EZH2: variants seen among roughly 807,000 people sequenced by gnomAD.
EZH2 encodes the protein histone-lysine N-methyltransferase EZH2.
A neutral mutation model predicts 98.4 loss-of-function variants in EZH2; 18 were observed. That is an observed-to-expected ratio of 0.18 (90% CI 0.13 to 0.27). EZH2 has a LOEUF of 0.27. Ranked by LOEUF, EZH2 falls within the 10% of genes least tolerant of loss-of-function variation. The pLI, the probability that EZH2 is intolerant of heterozygous loss-of-function variation, is 1.00. For synonymous variants in EZH2, 338 were observed against 312.3 expected (o/e 1.08, Z -0.87); for missense variants, 470 against 935.1 (o/e 0.50, Z 6.49).
intron 1 of EZH2, among the ~76,000 whole-genome samples, chr7:148,851,447 T>C (rs1485639599): frequency 6.6e-6 from 1 of 152,156 alleles, no homozygotes; most frequent in Non-Finnish European, 1.5e-5. Flanking sequence ...TGGCATATAG[T>C]GAGCCTTTAG....
intron 3 of EZH2, among the ~76,000 whole-genome samples, chr7:148,834,664 A>C (rs1427169698): frequency 6.6e-6 from 1 of 152,212 alleles, no homozygotes; most frequent in Non-Finnish European, 1.5e-5. Context: ...AAAGGTAATA[A>C]TACTAATAAG....
At chr7:148,810,758 C>T (rs998901118) in intron 16 of EZH2, among the ~76,000 whole-genome samples, 11 of 152,164 alleles carry the variant, frequency 7.2e-5, no homozygotes, top group South Asian at 4.1e-4. Flanking sequence ...CACCTGGGCG[C>T]GGTGGCGCAT....
chr7:148,819,513 AC>A, intron 9 of EZH2, 82 bp downstream of exon 9: 1 of 1,088,884 alleles, frequency 9.2e-7, no homozygotes, highest in Non-Finnish European at 1.4e-6. Flanking sequence ...GGTGCAGACA[AC>A]ATTAACGCTG....
chr7:148,864,422 C>T (rs528862891), intron 1 of EZH2, among the ~76,000 whole-genome samples: 3 of 152,316 alleles, frequency 2.0e-5, no homozygotes, highest in Admixed American at 6.5e-5. Flanking sequence ...ATGGCTCACA[C>T]CTGTAATCCC....
chr7:148,864,040 T>C (rs955740806), intron 1 of EZH2, among the ~76,000 whole-genome samples: 6 of 152,238 alleles, frequency 3.9e-5, no homozygotes, highest in African/African-American at 1.4e-4. Context: ...TCCTGGTTTC[T>C]GTAGTGCTAA....
At chr7:148,824,084 G>A (rs1012253839) in intron 8 of EZH2, among the ~76,000 whole-genome samples, 1 of 152,062 alleles carries the variant, frequency 6.6e-6, no homozygotes, top group African/African-American at 2.4e-5. Flanking sequence ...GGAGGCCAGG[G>A]CAGGTGGATC....
At chr7:148,870,045 C>T (rs1346666236) in intron 1 of EZH2, among the ~76,000 whole-genome samples, 1 of 152,110 alleles carries the variant, frequency 6.6e-6, no homozygotes. Flanking sequence ...ATGTGAGACC[C>T]TGTCTCTATT....
At chr7:148,882,306 C>A (rs1228403191) in intron 1 of EZH2, among the ~76,000 whole-genome samples, 1 of 152,066 alleles carries the variant, frequency 6.6e-6, no homozygotes, top group Non-Finnish European at 1.5e-5. Flanking sequence ...ACCAGAAGAA[C>A]GCCTATGTTT....
intron 1 of EZH2, among the ~76,000 whole-genome samples, chr7:148,857,697 GC>G (rs1817036784): frequency 6.6e-6 from 1 of 152,104 alleles, no homozygotes. Context: ...GCTGCAGTGA[GC>G]AGAGATCGCA....
chr7:148,842,550 C>T (rs1812735873), intron 3 of EZH2, among the ~76,000 whole-genome samples: 1 of 152,120 alleles, frequency 6.6e-6, no homozygotes, highest in African/African-American at 2.4e-5. Context: ...ATCCCTTGAC[C>T]TATATGTATT....
chr7:148,827,448 A>AAAATTC (rs902668271), intron 6 of EZH2, among the ~76,000 whole-genome samples, 182 bp from the exon 7 acceptor site: 9 of 152,232 alleles, frequency 5.9e-5, no homozygotes, highest in African/African-American at 2.2e-4. Flanking sequence ...AGTCAAAAAC[A>AAAATTC]AAATTCAAAT....
intron 1 of EZH2, among the ~76,000 whole-genome samples, chr7:148,861,883 C>T (rs1247000061): frequency 2.0e-5 from 3 of 151,444 alleles, no homozygotes; most frequent in Admixed American, 2.0e-4. Context: ...TAATAGGAAA[C>T]GGATTCTCGT....
At chr7:148,874,745 T>C (rs1347612925) in intron 1 of EZH2, among the ~76,000 whole-genome samples, 2 of 152,046 alleles carry the variant, frequency 1.3e-5, no homozygotes, top group African/African-American at 2.4e-5. Context: ...AAACCAAGTA[T>C]ATATAATCTG....
At position 148,850,502 on chromosome 7, in the gene EZH2, A is replaced by C. The variant is rs1815441214; in HGVS notation, c.-7-3197T>G. 3 of 913,384 alleles carry C rather than the reference A, an allele frequency of 3.3e-6. No individual in the cohort carries two copies. The South Asian group carries it at 1.5e-4, about 46-fold the overall frequency. The allele number at this position is 913,384 out of a possible 1,614,324, so 56.6% of individuals were successfully genotyped here. ...CTACAGCATCCAGGTAGTTCTTTGA[A>C]AGTGTAAGACTAAATAGGTAGACCT... On this transcript the variant is annotated intron_variant, in intron 1 of 19. Coordinates refer to ENST00000320356, the MANE Select transcript of EZH2 (RefSeq NM_004456.5).
At chr7:148,861,035 G>T (rs79217290) in intron 1 of EZH2, among the ~76,000 whole-genome samples, 1 of 151,888 alleles carries the variant, frequency 6.6e-6, no homozygotes, top group African/African-American at 2.4e-5. Context: ...GGTCTAGGGG[G>T]TATTGGTTCC....
chr7:148,807,813 TTAAAAAAAAAA>T, intron 19 of EZH2, 107 bp from the exon 20 acceptor site: 1 of 438,960 alleles, frequency 2.3e-6, no homozygotes, highest in East Asian at 3.5e-5. Context: ...TAAAATGTCT[TTAAAAAAAAAA>T]AAAAAAAAAA....
intron 14 of EZH2, 85 bp from the exon 15 acceptor site, chr7:148,814,222 A>C (rs1039285608): frequency 4.3e-5 from 54 of 1,258,094 alleles, no homozygotes; most frequent in Non-Finnish European, 6.0e-5. Context: ...TGTACTGGGC[A>C]TCTCACTGAC....
intron 1 of EZH2, among the ~76,000 whole-genome samples, chr7:148,872,665 T>C (rs536940953): frequency 1.8e-4 from 28 of 152,286 alleles, no homozygotes; most frequent in African/African-American, 4.3e-4. Context: ...CATCAAAAAA[T>C]ACAAAAGCTG....
intron 3 of EZH2, chr7:148,836,847 C>T: frequency 2.0e-6 from 1 of 504,986 alleles, no homozygotes; most frequent in Non-Finnish European, 3.9e-6. Flanking sequence ...CAATAGGCGA[C>T]TGTGTGGCTG....
Sources: allele counts gnomAD v4.1 joint callset (sites outside exome capture counted in the v4.1 genomes callset), GRCh38; gene constraint gnomAD v4.1.1; transcripts MANE v1.5; gene names NCBI Gene and HGNC (gene_info 2026-07-23, HGNC 2026-07-21).